Variants in CPNE2 observed in about 807,000 individuals in gnomAD.
CPNE2 encodes copine 2, also known as copine-2.
In CPNE2, 42 loss-of-function variants were observed where a neutral mutation model predicts 69.7. The observed-to-expected ratio is 0.60, with a 90% confidence interval of 0.47 to 0.78. CPNE2 has a LOEUF of 0.78. Ranked by LOEUF, CPNE2 falls within the 30% of genes least tolerant of loss-of-function variation. The pLI is 0.00. For synonymous variants in CPNE2, 294 were observed against 289.8 expected (o/e 1.01, Z -0.15); for missense variants, 587 against 732.0 (o/e 0.80, Z 2.29).
intron 1 of CPNE2, among the ~76,000 whole-genome samples, chr16:57,107,093 A>G (rs533292066): frequency 5.8e-4 from 88 of 152,280 alleles, no homozygotes; most frequent in African/African-American, 2.1e-3. Context: ...TCCTGCAGGC[A>G]TGGGAAGGCG....
intron 14 of CPNE2, among the ~76,000 whole-genome samples, chr16:57,137,728 G>A (rs55749254): frequency 0.32 from 48,779 of 152,102 alleles, 8,225 homozygotes; most frequent in South Asian, 0.47. Flanking sequence ...TCACTGGCCC[G>A]GCTGAGGCTG....
intron 13 of CPNE2, among the ~76,000 whole-genome samples, chr16:57,136,806 C>T (rs769748220): frequency 2.0e-5 from 3 of 152,124 alleles, no homozygotes; most frequent in Admixed American, 6.5e-5. Context: ...CCCAGCTACT[C>T]GGGAGGCCGA....
intron 14 of CPNE2, 73 bp downstream of exon 14, chr16:57,137,355 G>A (rs1186978403): frequency 2.7e-5 from 43 of 1,567,886 alleles, no homozygotes; most frequent in South Asian, 2.4e-4. Flanking sequence ...AGGATATTCT[G>A]CCTTCTCTTT....
In CPNE2 at chr16:57,118,129, G is replaced by A. The variant is rs150820438; in HGVS notation, c.507+562G>A. 4.4e-3 allele frequency among the ~76,000 whole-genome samples: 646 copies of A among 148,486 alleles called. 4 individuals carry two copies. Among genetic ancestry groups the A allele is most frequent in the African/African-American group, 0.015 (621 of 40,218 alleles). On this transcript the variant is annotated intron_variant, in intron 5 of 15. Coordinates refer to ENST00000290776, the MANE Select transcript of CPNE2 (RefSeq NM_152727.6). ...TTCAATTTCCCACCCCCTCCTTCTCGTCTCCTTAACACTATTACTGTCTAG... is the reference window on the plus strand; with the variant it reads ...TTCAATTTCCCACCCCCTCCTTCTCATCTCCTTAACACTATTACTGTCTAG...
chr16:57,112,592 G>C (rs2069688670), intron 2 of CPNE2, among the ~76,000 whole-genome samples: 1 of 152,128 alleles, frequency 6.6e-6, no homozygotes, highest in African/African-American at 2.4e-5. Flanking sequence ...CCGCGGTTTG[G>C]GGCCTCAGCA....
At chr16:57,095,051 C>T (rs1259059170) in intron 1 of CPNE2, among the ~76,000 whole-genome samples, 6 of 152,202 alleles carry the variant, frequency 3.9e-5, no homozygotes, top group African/African-American at 9.7e-5. Context: ...CTCCCCTGAA[C>T]CTTATTCATA....
intron 7 of CPNE2, 84 bp from the exon 8 acceptor site, chr16:57,121,007 CAG>C: frequency 5.2e-6 from 5 of 961,420 alleles, no homozygotes; most frequent in Non-Finnish European, 7.9e-6. Flanking sequence ...AAACAGAAGA[CAG>C]AGGGTTTGCT....
At chr16:57,101,510 CA>C (rs2069613471) in intron 1 of CPNE2, among the ~76,000 whole-genome samples, 1 of 152,222 alleles carries the variant, frequency 6.6e-6, no homozygotes, top group Non-Finnish European at 1.5e-5. Context: ...GTTGCAAACT[CA>C]GAAGTCTACA....
chr16:57,113,611 G>C (rs1052523492), intron 3 of CPNE2, 144 bp downstream of exon 3: 2 of 878,740 alleles, frequency 2.3e-6, no homozygotes, highest in Admixed American at 5.8e-5. Context: ...CAGTCTTGGC[G>C]GGTTCAAGGC....
At chr16:57,117,354 A>C in intron 4 of CPNE2, 142 bp from the exon 5 acceptor site, 80 of 715,022 alleles carry the variant, frequency 1.1e-4, no homozygotes, top group Non-Finnish European at 1.6e-4. Context: ...GGGGAAGACA[A>C]GAGATTTGTC....
At position 57,125,555 on chromosome 16, in the gene CPNE2, G is replaced by A. The variant is rs533035763; in HGVS notation, c.928-305G>A. ...GCTTATGAATAAATGCCTGCATATGGGAACAGATGAATGTGTGGATAGGGA... is the reference window on the plus strand; with the variant it reads ...GCTTATGAATAAATGCCTGCATATGAGAACAGATGAATGTGTGGATAGGGA... On this transcript the variant is annotated intron_variant, in intron 10 of 15. Coordinates refer to ENST00000290776, the MANE Select transcript of CPNE2 (RefSeq NM_152727.6). 4.0e-4 allele frequency: 170 copies of A among 429,508 alleles called. 1 individual carries two copies. Among genetic ancestry groups the A allele is most frequent in the South Asian group, 3.3e-3 (165 of 49,432 alleles). 26.6% of individuals were successfully genotyped at this position (429,508 alleles called of 1,614,324 possible).
At chr16:57,145,162 T>G (rs567561868) in intron 14 of CPNE2, among the ~76,000 whole-genome samples, 1 of 152,270 alleles carries the variant, frequency 6.6e-6, no homozygotes, top group African/African-American at 2.4e-5. Context: ...TTGCCATAAA[T>G]AGAGAGTAAC....
chr16:57,122,493 T>C (rs979704732), intron 9 of CPNE2, among the ~76,000 whole-genome samples: 1 of 152,278 alleles, frequency 6.6e-6, no homozygotes, highest in Non-Finnish European at 1.5e-5. Context: ...TGATGGATGG[T>C]CCTTGTTTCT....
chr16:57,104,854 G>T (rs2069638239), intron 1 of CPNE2, among the ~76,000 whole-genome samples: 1 of 152,160 alleles, frequency 6.6e-6, no homozygotes, highest in Non-Finnish European at 1.5e-5. Flanking sequence ...AACAGCAAGT[G>T]CTAAGGCCCT....
intron 1 of CPNE2, among the ~76,000 whole-genome samples, chr16:57,098,989 G>A (rs1471564830): frequency 1.3e-5 from 2 of 152,186 alleles, no homozygotes; most frequent in Non-Finnish European, 2.9e-5. Flanking sequence ...ACATGAAATA[G>A]AGCAGACATT....
chr16:57,100,890 C>T (rs956674959), intron 1 of CPNE2, among the ~76,000 whole-genome samples: 1 of 152,192 alleles, frequency 6.6e-6, no homozygotes, highest in African/African-American at 2.4e-5. Flanking sequence ...CCCTGTTTTC[C>T]TGCCCCATGA....
intron 1 of CPNE2, chr16:57,094,187 T>C (rs8057953): frequency 0.17 from 71,389 of 423,432 alleles, 7,518 homozygotes; most frequent in East Asian, 0.45. Flanking sequence ...TGTGGACGCT[T>C]GGGTTCGTTT....
intron 1 of CPNE2, among the ~76,000 whole-genome samples, chr16:57,106,943 C>T (rs1249828513): frequency 6.6e-6 from 1 of 152,234 alleles, no homozygotes; most frequent in Non-Finnish European, 1.5e-5. Context: ...GCAATCTCCC[C>T]ACCCTGGCAA....
intron 5 of CPNE2, among the ~76,000 whole-genome samples, chr16:57,118,648 A>AGGTG (rs34957218): frequency 7.1e-6 from 1 of 141,678 alleles, no homozygotes; most frequent in Non-Finnish European, 1.5e-5. Context: ...GAGACCCCAT[A>AGGTG]GATGGATGGA....
Sources: allele counts gnomAD v4.1 joint callset (sites outside exome capture counted in the v4.1 genomes callset), GRCh38; gene constraint gnomAD v4.1.1; transcripts MANE v1.5; gene names NCBI Gene and HGNC (gene_info 2026-07-23, HGNC 2026-07-21).